CADM2: variants seen among roughly 807,000 people sequenced by gnomAD.
CADM2 encodes the protein immunoglobulin superfamily member 4D.
In CADM2, 12 loss-of-function variants were observed where a neutral mutation model predicts 49.8. The observed-to-expected ratio is 0.24, with a 90% CI of 0.15 to 0.39. The LOEUF (loss-of-function observed/expected upper bound fraction) is 0.39, where lower values mean the gene tolerates loss of function less well. CADM2 is among the 10% of genes least tolerant of loss of function. CADM2 has a pLI of 1.00. For missense variants in CADM2, 378 were observed against 492.3 expected, an observed-to-expected ratio of 0.77 and a Z score of 2.20; for synonymous variants, 214 against 175.4, an observed-to-expected ratio of 1.22 and a Z score of -1.74.
intron 1 of CADM2, among the ~76,000 whole-genome samples, chr3:85,069,370 CAGA>C (rs958806813): frequency 1.1e-4 from 17 of 152,134 alleles, no homozygotes; most frequent in African/African-American, 2.9e-4. Flanking sequence ...CCAAAAACCA[CAGA>C]AGATTAATAT....
chr3:85,592,190 CAT>C (rs773526910), intron 1 of CADM2, among the ~76,000 whole-genome samples: 41 of 151,762 alleles, frequency 2.7e-4, no homozygotes, highest in Non-Finnish European at 5.2e-4. Flanking sequence ...ATTGATAAAA[CAT>C]ATTATTATCT....
At position 85,154,050 on chromosome 3, in the gene CADM2, A is replaced by G. The variant is rs536979023; in HGVS notation, c.61+194382A>G. On this transcript the variant is annotated intron_variant, in intron 1 of 9. Coordinates refer to ENST00000383699, the MANE Select transcript of CADM2 (RefSeq NM_001167675.2). ...AGAGCGCCTCTCCTCCTCCAAAGGA[A>G]CACAGTTCCTCACCAGCAACAGAAT... 5.5e-3 allele frequency among the ~76,000 whole-genome samples: 831 copies of G among 152,346 alleles called. 8 individuals are homozygous for G. The highest frequency in any genetic ancestry group is 6.6e-3 in the Non-Finnish European group (446 of 68,030).
intron 1 of CADM2, among the ~76,000 whole-genome samples, chr3:85,399,144 T>G (rs1366116969): frequency 6.6e-6 from 1 of 152,200 alleles, no homozygotes; most frequent in Non-Finnish European, 1.5e-5. Context: ...AGGTCTAACA[T>G]TTAAGTTGAA....
Position 85,346,433 on chromosome 3 carries a change from A to G in CADM2, c.62-380089A>G, listed in dbSNP as rs2030653786. 2.0e-5 allele frequency among the ~76,000 whole-genome samples: 3 copies of G among 152,108 alleles called. No individual in the cohort carries two copies. The South Asian group carries it at 6.2e-4, about 32-fold the overall frequency. On this transcript the variant is annotated intron_variant, in intron 1 of 9. Coordinates refer to ENST00000383699, the MANE Select transcript of CADM2 (RefSeq NM_001167675.2). ...CCTCAGGCAACATAAAAACACAGAT[A>G]TTTTTCAAAAAAATCTTTAATAGCA...
At chr3:85,451,306 A>G (rs1174065912) in intron 1 of CADM2, among the ~76,000 whole-genome samples, 1 of 152,158 alleles carries the variant, frequency 6.6e-6, no homozygotes, top group East Asian at 1.9e-4. Flanking sequence ...GGGAAATTCA[A>G]TGGACAAAAG....
At chr3:85,810,532 G>GTTTTTTTTTT (rs71112120) in intron 3 of CADM2, among the ~76,000 whole-genome samples, 1 of 87,186 alleles carries the variant, frequency 1.1e-5, no homozygotes, top group Non-Finnish European at 2.1e-5. Context: ...ATAGAATTCT[G>GTTTTTTTTTT]TTTTTTTTTT....
intron 1 of CADM2, among the ~76,000 whole-genome samples, chr3:85,171,802 A>G (rs2040635962): frequency 6.6e-6 from 1 of 152,232 alleles, no homozygotes; most frequent in South Asian, 2.1e-4. Context: ...TATGATTTCA[A>G]ATAAAACAAT....
intron 1 of CADM2, among the ~76,000 whole-genome samples, chr3:85,512,540 T>A (rs1040720812): frequency 6.6e-6 from 1 of 152,072 alleles, no homozygotes; most frequent in Non-Finnish European, 1.5e-5. Flanking sequence ...TTCTAAAATA[T>A]TTATTAACTG....
At chr3:85,678,783 A>G (rs1006165682) in intron 1 of CADM2, among the ~76,000 whole-genome samples, 1 of 152,154 alleles carries the variant, frequency 6.6e-6, no homozygotes, top group African/African-American at 2.4e-5. Context: ...GATGACTCTT[A>G]TATGCTGGTC....
chr3:85,432,074 A>G (rs2036705419), intron 1 of CADM2, among the ~76,000 whole-genome samples: 1 of 150,360 alleles, frequency 6.7e-6, no homozygotes. Context: ...AACAGAAGAC[A>G]TTGGAAAAAA....
At chr3:85,000,931 A>G (rs1464236750) in intron 1 of CADM2, among the ~76,000 whole-genome samples, 1 of 152,080 alleles carries the variant, frequency 6.6e-6, no homozygotes, top group African/African-American at 2.4e-5. Context: ...ATGAAATTTC[A>G]TTTTACAAGG....
At chr3:85,857,130 A>G (rs1488916746) in intron 3 of CADM2, among the ~76,000 whole-genome samples, 1 of 152,162 alleles carries the variant, frequency 6.6e-6, no homozygotes, top group Non-Finnish European at 1.5e-5. Flanking sequence ...AAAGGGTGAG[A>G]TAACTCTCTG....
intron 1 of CADM2, among the ~76,000 whole-genome samples, chr3:85,391,976 C>T (rs1488138044): frequency 6.6e-6 from 1 of 152,030 alleles, no homozygotes; most frequent in African/African-American, 2.4e-5. Context: ...TTGCAAATGA[C>T]AGAAAAGCTG....
chr3:85,523,895 C>CT (rs1471021760), intron 1 of CADM2, among the ~76,000 whole-genome samples: 1 of 152,014 alleles, frequency 6.6e-6, no homozygotes, highest in African/African-American at 2.4e-5. Flanking sequence ...AGTAGGGATG[C>CT]ATTTGTACAC....
intron 1 of CADM2, among the ~76,000 whole-genome samples, chr3:85,513,730 A>C (rs901422399): frequency 1.3e-5 from 2 of 151,982 alleles, no homozygotes; most frequent in Non-Finnish European, 2.9e-5. Context: ...TCTAGACTGC[A>C]TGATATATGT....
rs558410641 is a variant in CADM2 at position 85,314,070 on chromosome 3, A to T, written c.61+354402A>T. Reference sequence around the variant, plus strand: ...ACGCCTGGTAATTTTTTGTATTTTTAGTAGAGACGGAGTTTCACCGTGTTA... The same window carrying T: ...ACGCCTGGTAATTTTTTGTATTTTTTGTAGAGACGGAGTTTCACCGTGTTA... On this transcript the variant is annotated intron_variant, in intron 1 of 9. Coordinates refer to ENST00000383699, the MANE Select transcript of CADM2 (RefSeq NM_001167675.2). Among the ~76,000 whole-genome samples the T allele has an allele frequency of 1.3e-3, 203 of 152,182 alleles. 2 individuals are homozygous for T. Among genetic ancestry groups the T allele is most frequent in the African/African-American group, 4.5e-3 (186 of 41,544 alleles).
chr3:85,137,533 A>T (rs2039452837), intron 1 of CADM2, among the ~76,000 whole-genome samples: 1 of 152,014 alleles, frequency 6.6e-6, no homozygotes, highest in South Asian at 2.1e-4. Flanking sequence ...AGATTTTACA[A>T]ATATTTACTC....
At chr3:85,039,615 T>A (rs2107358067) in intron 1 of CADM2, among the ~76,000 whole-genome samples, 1 of 152,334 alleles carries the variant, frequency 6.6e-6, no homozygotes. Flanking sequence ...TTCCTCTTAA[T>A]CTATCTATAT....
chr3:85,943,480 A>C (rs1222240904), intron 7 of CADM2, among the ~76,000 whole-genome samples: 2 of 149,962 alleles, frequency 1.3e-5, no homozygotes, highest in African/African-American at 4.9e-5. Flanking sequence ...TCTAACGTTT[A>C]AGTCTTTAAT....
Sources: gnomAD v4.1 joint callset for allele counts (sites outside exome capture counted in the v4.1 genomes callset) on GRCh38, gnomAD v4.1.1 for gene constraint, MANE v1.5 for transcripts, NCBI Gene and HGNC (gene_info 2026-07-23, HGNC 2026-07-21) for gene names.